The following DLX3 variants were observed in gnomAD, a reference collection of about 807,000 sequenced individuals.
DLX3 encodes homeobox protein DLX-3.
DLX3 carries 9 observed loss-of-function variants against 28.0 expected under a neutral mutation model. The ratio of observed to expected loss-of-function variants is 0.32; its 90% confidence interval spans 0.19 to 0.56. The LOEUF (loss-of-function observed/expected upper bound fraction) is 0.56. DLX3 is among the 20% of genes least tolerant of loss of function. DLX3 has a pLI of 0.91. For synonymous variants in DLX3, 154 were observed against 167.9 expected (o/e 0.92, Z 0.64); for missense variants, 313 against 378.2 (o/e 0.83, Z 1.43).
rs1435456709 is a variant in DLX3, at chr17:49,990,977, G to C, written c.*540C>G. 6 of 158,026 alleles carry C rather than the reference G, an allele frequency of 3.8e-5. No individual in the cohort carries two copies. In the East Asian group the frequency reaches 1.1e-3, roughly 30 times the overall value. The allele number at this position is 158,026 out of a possible 1,614,324, so 9.8% of individuals were successfully genotyped here. Reference sequence around the variant, plus strand: ...GGCTAGAAGTGCAGGGCGGTGACCAGTTCAGGTCCCCACCCGGAGTCCTCG... The same window carrying C: ...GGCTAGAAGTGCAGGGCGGTGACCACTTCAGGTCCCCACCCGGAGTCCTCG... On this transcript the variant is annotated 3_prime_UTR_variant, in exon 3 of 3. Transcript: ENST00000434704.
In DLX3 at chr17:49,991,005, A is replaced by G. The variant is rs889948216; in HGVS notation, c.*512T>C. ...CAGGTCCCCACCCGGAGTCCTCGTCATGATGTCCACTGTCTTATTGGCCGA... is the reference window on the plus strand; with the variant it reads ...CAGGTCCCCACCCGGAGTCCTCGTCGTGATGTCCACTGTCTTATTGGCCGA... On this transcript the variant is annotated 3_prime_UTR_variant, in exon 3 of 3. Transcript: ENST00000434704. 1.3e-5 allele frequency: 2 copies of G among 159,626 alleles called. No individual in the cohort carries two copies. The highest frequency in any genetic ancestry group is 2.8e-5 in the Non-Finnish European group (2 of 71,760). The allele number at this position is 159,626 out of a possible 1,614,324, so 9.9% of individuals were successfully genotyped here. A position where few individuals can be genotyped will look rare whatever the true frequency, so the allele number is the denominator to read the frequency against.
In DLX3 at chr17:49,993,562, C is replaced by A. The variant is rs762066110; in HGVS notation, c.354G>T (p.Glu118Asp). The change falls in exon 2 of 3, where the codon GAG becomes GAT. Residue 118 changes from glutamate to aspartate, a missense_variant. Coordinates refer to ENST00000434704, the MANE Select transcript of DLX3 (RefSeq NM_005220.3). Reference protein sequence around the residue: ...PVSVKEEPEAEVRMVNGKPKK... With the variant: ...PVSVKEEPEADVRMVNGKPKK... ...TGGGCTTCCCATTCACCATGCGCAC[C>A]TCTGCTTCCGGCTCCTCCTTCACCG... The A allele has an allele frequency of 1.2e-6, 2 of 1,613,706 alleles. No homozygotes were observed. Among genetic ancestry groups the A allele is most frequent in the South Asian group, 2.2e-5 (2 of 91,084 alleles).
Position 49,994,980 on chromosome 17 carries a change from G to T in DLX3, c.19C>A (p.Arg7Ser). 6.2e-7 allele frequency: 1 copy of T among 1,612,136 alleles called. No individual in the cohort carries two copies. The highest frequency in any genetic ancestry group is 8.5e-7 in the Non-Finnish European group (1 of 1,180,022). ...TCGGTGAGGATGCTGCTGAGCTTGC[G>T]ATCGAAGGAGCCACTCATCCTGGCG... MSGSFD[R>S]KLSSILTDIS... The change falls in exon 1 of 3, where the codon CGC (arginine) becomes AGC (serine). Residue 7 changes from arginine to serine, a missense_variant. Arg to Ser is a moderately radical substitution (Grantham distance 110, BLOSUM62 -1). Around this residue, in one of 3 missense-constraint regions of DLX3, gnomAD observed 183 missense variants for 197.7 expected, o/e 0.93. Transcript: ENST00000434704.
At chr17:49,993,042 C>G (rs1167117085) in intron 2 of DLX3, among the ~76,000 whole-genome samples, 1 of 152,184 alleles carries the variant, frequency 6.6e-6, no homozygotes, top group Non-Finnish European at 1.5e-5. Context: ...CAGACCCACA[C>G]AGCATGTGTG....
At chr17:49,992,682 G>A (rs962029468) in intron 2 of DLX3, among the ~76,000 whole-genome samples, 5 of 152,102 alleles carry the variant, frequency 3.3e-5, no homozygotes, top group Admixed American at 6.5e-5. Context: ...GGGGCCCCAC[G>A]CAGCCACAGC....
At position 49,993,515 on chromosome 17, in the gene DLX3, G is replaced by A. The variant is rs1315166585; in HGVS notation, c.401C>T (p.Thr134Met). The A allele has an allele frequency of 6.2e-7, 1 of 1,613,538 alleles. No individual in the cohort carries two copies. Among genetic ancestry groups the A allele is most frequent in the African/African-American group, 1.3e-5 (1 of 74,904 alleles). ...GGCCAGCTGGTAGCTGGAGTAGATC[G>A]TACGCGGCTTTCGGACCTTCTTGGG... ...GKPKKVRKPR[T>M]IYSSYQLAAL... Residue 134 changes from threonine to methionine, a missense_variant, in exon 2 of 3, where the codon ACG (threonine) becomes ATG (methionine). By Grantham distance (81) the Thr-to-Met change is moderately conservative. Transcript: ENST00000434704.
Position 49,993,383 on chromosome 17 carries a change from G to A in DLX3, c.516+17C>T. ...GGTCCCGCGCGCCCCCGCGGCCCTG[G>A]ACAGCCAAACACCAACCTGTGTCTG... On this transcript the variant is annotated intron_variant, in intron 2 of 2. Transcript: ENST00000434704. 1 of 1,591,002 alleles carries A rather than the reference G, an allele frequency of 6.3e-7. No individual in the cohort carries two copies. Among genetic ancestry groups the A allele is most frequent in the Non-Finnish European group, 8.5e-7 (1 of 1,174,686 alleles).
In DLX3 at chr17:49,990,647, G is replaced by C. The variant is rs1906054205; in HGVS notation, c.*870C>G. ...AAACTGCCAACTTACTGGAGGAGTAGAGAAGGTGAGGTGGGGGCAGGGACA... is the reference window on the plus strand; with the variant it reads ...AAACTGCCAACTTACTGGAGGAGTACAGAAGGTGAGGTGGGGGCAGGGACA... On this transcript the variant is annotated 3_prime_UTR_variant, in exon 3 of 3. Coordinates refer to ENST00000434704, the MANE Select transcript of DLX3 (RefSeq NM_005220.3). The C allele has an allele frequency of 6.5e-6, 1 of 152,710 alleles. No individual in the cohort carries two copies. 9.5% of individuals were successfully genotyped at this position (152,710 alleles called of 1,614,324 possible). A position where few individuals can be genotyped will look rare whatever the true frequency, so the allele number is the denominator to read the frequency against.
Position 49,993,664 on chromosome 17 carries a change from C to G in DLX3, c.326-74G>C. 5 of 1,517,354 alleles carry G rather than the reference C, an allele frequency of 3.3e-6. No homozygotes were observed. In the East Asian group the frequency reaches 1.2e-4, roughly 37 times the overall value. The allele number at this position is 1,517,354 out of a possible 1,614,324, so 94.0% of individuals were successfully genotyped here. ...GCGACTCCTGCGACCCTCCAGGGCCCCGCCGGACGCCCCTCGCTTCCGCCC... is the reference window on the plus strand; with the variant it reads ...GCGACTCCTGCGACCCTCCAGGGCCGCGCCGGACGCCCCTCGCTTCCGCCC... On this transcript the variant is annotated intron_variant, in intron 1 of 2. Coordinates refer to ENST00000434704, the MANE Select transcript of DLX3 (RefSeq NM_005220.3).
chr17:49,994,093 C>T (rs1906196713), intron 1 of DLX3, among the ~76,000 whole-genome samples: 1 of 134,978 alleles, frequency 7.4e-6, no homozygotes, highest in African/African-American at 2.7e-5. Flanking sequence ...CTTCTTCCCC[C>T]CTTCCTTCTC....
chr17:49,991,980 C>A lies in DLX3; in HGVS notation c.517-116G>T. On this transcript the variant is annotated intron_variant, in intron 2 of 2. Coordinates refer to ENST00000434704, the MANE Select transcript of DLX3 (RefSeq NM_005220.3). ...AACCCAATTTCACATAAGAATCAGG[C>A]AAAAAACAGGCCTCCTGACTCCCAG... The A allele has an allele frequency of 3.1e-5, 32 of 1,017,800 alleles. No homozygotes were observed. The Admixed American group carries it at 3.9e-4, about 12-fold the overall frequency. The allele number at this position is 1,017,800 out of a possible 1,614,324, so 63.0% of individuals were successfully genotyped here.
Position 49,992,873 on chromosome 17 carries a change from G to A in DLX3, c.516+527C>T, listed in dbSNP as rs114635237. On this transcript the variant is annotated intron_variant, in intron 2 of 2. Coordinates refer to ENST00000434704, the MANE Select transcript of DLX3 (RefSeq NM_005220.3). ...GGCCTCTCTTGAGCGTTCAAGTGCTGAGCAGGAATGTGGTATTTTGATGCA... is the reference window on the plus strand; with the variant it reads ...GGCCTCTCTTGAGCGTTCAAGTGCTAAGCAGGAATGTGGTATTTTGATGCA... 1.9e-3 allele frequency among the ~76,000 whole-genome samples: 288 copies of A among 152,294 alleles called. 1 individual carries two copies. Among genetic ancestry groups the A allele is most frequent in the African/African-American group, 6.4e-3 (264 of 41,558 alleles).
At position 49,991,536 on chromosome 17, in the gene DLX3, T is replaced by C. The variant is rs1598154199; in HGVS notation, c.845A>G (p.Asn282Ser). The change falls in exon 3 of 3, where the codon AAC becomes AGC. Residue 282 changes from asparagine (N) to serine (S), a missense_variant. By Grantham distance (46) the Asn-to-Ser change is conservative (BLOSUM62 1). Coordinates refer to ENST00000434704, the MANE Select transcript of DLX3 (RefSeq NM_005220.3). ...LHHASPGPPP[N>S]PGAVY ...GGGTGCTCAGTACACAGCCCCAGGG[T>C]TGGGCGGGGGCCCGGGAGAGGCATG... The C allele has an allele frequency of 6.2e-7, 1 of 1,606,424 alleles. No homozygotes were observed. Among genetic ancestry groups the C allele is most frequent in the Non-Finnish European group, 8.5e-7 (1 of 1,179,018 alleles).
In DLX3 at chr17:49,990,846, G is replaced by A. The variant is rs1000829295; in HGVS notation, c.*671C>T. 1 of 152,710 alleles carries A rather than the reference G, an allele frequency of 6.5e-6. No individual in the cohort carries two copies. The highest frequency in any genetic ancestry group is 2.4e-5 in the African/African-American group (1 of 41,464). The allele number at this position is 152,710 out of a possible 1,614,324, so 9.5% of individuals were successfully genotyped here. On this transcript the variant is annotated 3_prime_UTR_variant, in exon 3 of 3. Transcript: ENST00000434704. ...ACCCCTCCTCTCGGAACGGAGGAGA[G>A]GGGAGAGAGATGGCTCCTTTAGTTC...
chr17:49,994,454 C>G (rs1906208282), intron 1 of DLX3, among the ~76,000 whole-genome samples: 1 of 152,226 alleles, frequency 6.6e-6, no homozygotes, highest in Admixed American at 6.5e-5. Flanking sequence ...GATCCTCATC[C>G]GGGACCGCGG....
Position 49,991,371 on chromosome 17 carries a change from G to A in DLX3, c.*146C>T, listed in dbSNP as rs924999784. On this transcript the variant is annotated 3_prime_UTR_variant, in exon 3 of 3. Transcript: ENST00000434704. ...GTCCATGCAATTGTCATCTGGAAGCGCTTGGGTCCCTGGAGGAAGGGGCAA... is the reference window on the plus strand; with the variant it reads ...GTCCATGCAATTGTCATCTGGAAGCACTTGGGTCCCTGGAGGAAGGGGCAA... 2.3e-5 allele frequency: 17 copies of A among 723,830 alleles called. No individual in the cohort carries two copies. Among genetic ancestry groups the A allele is most frequent in the African/African-American group, 1.8e-4 (10 of 56,174 alleles). The allele number at this position is 723,830 out of a possible 1,614,324, so 44.8% of individuals were successfully genotyped here.
chr17:49,993,762 C>T, intron 1 of DLX3, 172 bp from the exon 2 acceptor site: 1 of 588,404 alleles, frequency 1.7e-6, no homozygotes, highest in Non-Finnish European at 2.6e-6. Context: ...GGCCCCAGAG[C>T]CAGAACTGGC....
Position 49,993,512 on chromosome 17 carries a change from A to G in DLX3, c.404T>C (p.Ile135Thr). 6.2e-7 allele frequency: 1 copy of G among 1,613,590 alleles called. No individual in the cohort carries two copies. Among genetic ancestry groups the G allele is most frequent in the Non-Finnish European group, 8.5e-7 (1 of 1,179,712 alleles). Residue 135 changes from isoleucine (I) to threonine (T), a missense_variant, in exon 2 of 3, where the codon ATC (isoleucine) becomes ACC (threonine). Coordinates refer to ENST00000434704, the MANE Select transcript of DLX3 (RefSeq NM_005220.3). ...KPKKVRKPRT[I>T]YSSYQLAALQ... ...GGCGGCCAGCTGGTAGCTGGAGTAG[A>G]TCGTACGCGGCTTTCGGACCTTCTT...
chr17:49,994,703 C>A lies in DLX3; in HGVS notation c.296G>T (p.Arg99Leu), dbSNP rs777991740. ...GASYRQYGAYREQPLPAQDPV... is the reference protein window; with the variant it reads ...GASYRQYGAYLEQPLPAQDPV... Reference sequence around the variant, plus strand: ...GTCCTGGGCTGGCAGCGGCTGCTCCCGATACGCCCCGTATTGCCGGTAGGA... The same window carrying A: ...GTCCTGGGCTGGCAGCGGCTGCTCCAGATACGCCCCGTATTGCCGGTAGGA... The change falls in exon 1 of 3, where the codon CGG (arginine) becomes CTG (leucine). Residue 99 changes from arginine to leucine, a missense_variant. Physicochemically the swap from Arg to Leu is moderately radical, Grantham distance 102. This residue lies in a region of DLX3 where 183 missense variants were observed against 197.7 expected (regional missense o/e 0.93). Transcript: ENST00000434704. The A allele has an allele frequency of 6.2e-7, 1 of 1,614,044 alleles. No individual in the cohort carries two copies. Among genetic ancestry groups the A allele is most frequent in the South Asian group, 1.1e-5 (1 of 91,084 alleles).
Sources: gnomAD v4.1 joint callset for allele counts (sites outside exome capture counted in the v4.1 genomes callset) on GRCh38, gnomAD v4.1.1 for gene constraint, gnomAD v4.1.1 regional missense constraint, MANE v1.5 for transcripts, NCBI Gene and HGNC (gene_info 2026-07-23, HGNC 2026-07-21) for gene names.